The following RETREG3 variants were observed in gnomAD, a reference collection of about 807,000 sequenced individuals.
RETREG3 encodes reticulophagy regulator family member 3, also known as reticulophagy regulator 3.
RETREG3 carries 23 observed loss-of-function variants against 50.2 expected under a neutral mutation model. The ratio of observed to expected loss-of-function variants is 0.46; its 90% CI spans 0.33 to 0.65. RETREG3 has a LOEUF of 0.65. RETREG3 is among the 30% of genes least tolerant of loss of function. The pLI is 0.02. For missense variants in RETREG3, 546 were observed against 598.0 expected (o/e 0.91, Z 0.91); for synonymous variants, 240 against 234.4 (o/e 1.02, Z -0.22).
chr17:42,584,108 T>C (rs1357353057), intron 6 of RETREG3, among the ~76,000 whole-genome samples: 1 of 152,170 alleles, frequency 6.6e-6, no homozygotes, highest in Non-Finnish European at 1.5e-5. Context: ...GCGCCCGGCC[T>C]GGCACACATT....
chr17:42,585,021 C>T, intron 6 of RETREG3, 104 bp downstream of exon 6: 24 of 1,424,712 alleles, frequency 1.7e-5, no homozygotes, highest in Non-Finnish European at 2.3e-5. Flanking sequence ...CACCAACTAC[C>T]CCCGACTTCC....
rs1443929838 is a variant in RETREG3, at chr17:42,609,114, A to G, written c.211T>C (p.Trp71Arg). The change falls in exon 1 of 9, where the codon TGG becomes CGG. Residue 71 changes from tryptophan (W) to arginine (R), a missense_variant. By Grantham distance (101) the Trp-to-Arg change is moderately radical. Coordinates refer to ENST00000309428, the MANE Select transcript of RETREG3 (RefSeq NM_178126.4). Reference protein sequence around the residue: ...VWERPARSALWCLGLNAAFWF... With the variant: ...VWERPARSALRCLGLNAAFWF... ...AAAGCCGCGTTCAGCCCCAGGCACC[A>G]CAGAGCGCTCCTAGCTGGCCGCTCC... 2 of 1,608,230 alleles carry G rather than the reference A, an allele frequency of 1.2e-6. No homozygotes were observed. The highest frequency in any genetic ancestry group is 2.2e-5 in the South Asian group (2 of 91,018).
At chr17:42,593,647 C>CAAAAAA in intron 1 of RETREG3, among the ~76,000 whole-genome samples, 1 of 86,284 alleles carries the variant, frequency 1.2e-5, no homozygotes, top group Non-Finnish European at 2.3e-5. Flanking sequence ...GACTCCGTCT[C>CAAAAAA]AAAAAAAAAA....
At chr17:42,598,831 T>C (rs2093153126) in intron 1 of RETREG3, 2 of 152,196 alleles carry the variant, frequency 1.3e-5, no homozygotes, top group Admixed American at 6.5e-5. Context: ...CAAAGGTATG[T>C]TGAATTGAAT....
At chr17:42,591,549 A>C (rs1293781288) in intron 2 of RETREG3, among the ~76,000 whole-genome samples, 1 of 152,144 alleles carries the variant, frequency 6.6e-6, no homozygotes, top group African/African-American at 2.4e-5. Context: ...CATGTTGGCC[A>C]GGCTGGGCTC....
chr17:42,602,761 G>T (rs9891536), intron 1 of RETREG3, among the ~76,000 whole-genome samples: 1 of 151,948 alleles, frequency 6.6e-6, no homozygotes. Context: ...GGGCAACATG[G>T]TGAAACCTTG....
At chr17:42,592,556 A>G (rs956476189) in intron 1 of RETREG3, among the ~76,000 whole-genome samples, 7 of 152,198 alleles carry the variant, frequency 4.6e-5, no homozygotes, top group African/African-American at 7.2e-5. Context: ...TGCACTCAAG[A>G]GCATTTAATT....
At chr17:42,599,881 C>T (rs1008891488) in intron 1 of RETREG3, among the ~76,000 whole-genome samples, 3 of 151,838 alleles carry the variant, frequency 2.0e-5, no homozygotes, top group Non-Finnish European at 2.9e-5. Context: ...GTAATCCCAG[C>T]TACTCAACAG....
intron 1 of RETREG3, among the ~76,000 whole-genome samples, chr17:42,601,695 C>T (rs1229880707): frequency 2.3e-5 from 3 of 130,558 alleles, no homozygotes; most frequent in Middle Eastern, 5.5e-3. Context: ...TGCAGTGGCG[C>T]GATCTCGGGT....
intron 2 of RETREG3, 24 bp from the exon 3 acceptor site, chr17:42,587,888 G>GC: frequency 6.2e-7 from 1 of 1,613,730 alleles, no homozygotes; most frequent in South Asian, 1.1e-5. Context: ...ACAAACACCA[G>GC]CATTAGTTGG....
intron 1 of RETREG3, among the ~76,000 whole-genome samples, chr17:42,597,476 C>G (rs1328786610): frequency 6.9e-6 from 1 of 144,992 alleles, no homozygotes; most frequent in Non-Finnish European, 1.5e-5. Context: ...AATGAGCCAC[C>G]GCGCCCAGCC....
chr17:42,596,540 A>G (rs1052805228), intron 1 of RETREG3: 2 of 151,976 alleles, frequency 1.3e-5, no homozygotes, highest in South Asian at 4.1e-4. Context: ...TACCCATACC[A>G]TCTCTAAAGT....
At chr17:42,583,728 G>T in intron 6 of RETREG3, 148 bp from the exon 7 acceptor site, 1 of 611,744 alleles carries the variant, frequency 1.6e-6, no homozygotes, top group Non-Finnish European at 2.6e-6. Context: ...AGGCTGAGCT[G>T]CTGAGCCTAA....
intron 1 of RETREG3, among the ~76,000 whole-genome samples, chr17:42,601,862 G>A (rs760088942): frequency 2.6e-5 from 4 of 151,662 alleles, no homozygotes; most frequent in African/African-American, 7.3e-5. Context: ...TTGAATTCCC[G>A]ACCTTAGGTG....
intron 7 of RETREG3, among the ~76,000 whole-genome samples, 195 bp downstream of exon 7, chr17:42,583,303 C>T (rs2093113976): frequency 6.6e-6 from 1 of 151,592 alleles, no homozygotes; most frequent in Non-Finnish European, 1.5e-5. Flanking sequence ...TAATTGAGAC[C>T]TAGGTTGATT....
chr17:42,583,662 A>G (rs1403170638), intron 6 of RETREG3, 82 bp from the exon 7 acceptor site: 1 of 1,333,940 alleles, frequency 7.5e-7, no homozygotes, highest in South Asian at 1.3e-5. Flanking sequence ...TAAAATCAGA[A>G]CACAAAACAA....
rs2093135753 is a variant in RETREG3, at chr17:42,592,785, C to T, written c.240-623G>A. On this transcript the variant is annotated intron_variant, in intron 1 of 8. Coordinates refer to ENST00000309428, the MANE Select transcript of RETREG3 (RefSeq NM_178126.4). ...TGGCCAACATGGTGAAACTCCGTAT[C>T]TACCAAAAATACAAAAATTAGCCGG... 2.6e-5 allele frequency among the ~76,000 whole-genome samples: 4 copies of T among 152,206 alleles called. No homozygotes were observed. In the South Asian group the frequency reaches 8.3e-4, roughly 32 times the overall value.
intron 3 of RETREG3, 176 bp downstream of exon 3, chr17:42,587,658 G>C (rs373728707): frequency 1.5e-6 from 1 of 681,348 alleles, no homozygotes. Flanking sequence ...AGAGGACACA[G>C]GCCATCTCAA....
At chr17:42,592,276 T>C in intron 1 of RETREG3, 114 bp from the exon 2 acceptor site, 1 of 749,880 alleles carries the variant, frequency 1.3e-6, no homozygotes, top group Non-Finnish European at 2.1e-6. Flanking sequence ...CTAGCTTTTT[T>C]TGTTCTGACA....
Sources: gnomAD v4.1 joint callset for allele counts (sites outside exome capture counted in the v4.1 genomes callset) on GRCh38, gnomAD v4.1.1 for gene constraint, MANE v1.5 for transcripts, NCBI Gene and HGNC (gene_info 2026-07-23, HGNC 2026-07-21) for gene names.